The following TARBP1 variants were observed in gnomAD, a reference collection of about 807,000 sequenced individuals.
TARBP1 encodes tRNA guanosine 2 -O-methyltransferase TARBP1, also known as tRNA (guanosine(18)-2'-O)-methyltransferase TARBP1.
Under a neutral mutation model 178.6 loss-of-function variants are expected in TARBP1, and 144 were observed. That is an observed-to-expected ratio of 0.81 (90% CI 0.70 to 0.93). The LOEUF (loss-of-function observed/expected upper bound fraction) is 0.93, where lower values mean the gene tolerates loss of function less well. Among genes scored for constraint, TARBP1 ranks in the 40% least tolerant of loss-of-function variants. The pLI, the probability that TARBP1 is intolerant of heterozygous loss-of-function variation, is 0.00. For missense variants in TARBP1, 2,067 were observed against 2,011.7 expected (o/e 1.03, Z -0.53); for synonymous variants, 787 against 781.0 (o/e 1.01, Z -0.13).
chr1:234,429,124 A>G lies in TARBP1; in HGVS notation c.3060+12T>C, dbSNP rs894117025. ...ATGAAAAGAAAAGCAAAAAGAAAAG[A>G]AAGTTAGTTACCTCTTTTATTTTGA... On this transcript the variant is annotated intron_variant, in intron 17 of 29. Coordinates refer to ENST00000040877, the MANE Select transcript of TARBP1 (RefSeq NM_005646.4). The G allele has an allele frequency of 5.2e-6, 8 of 1,551,922 alleles. No homozygotes were observed. The highest frequency in any genetic ancestry group is 6.9e-6 in the Non-Finnish European group (8 of 1,157,926).
chr1:234,457,718 C>T lies in TARBP1; in HGVS notation c.1671G>A (p.Met557Ile). The part of the protein sequence containing the change: ...VSLSDVSTFL[M>I]SLRQEESLGR... ...CTAAGGATTCCTCTTGTCTCAGAGA[C>T]ATGAGAAAAGTTGAGACATCAGAAA... Residue 557 changes from methionine (M) to isoleucine (I), a missense_variant, in exon 9 of 30, where the codon ATG becomes ATA. By Grantham distance (10) the Met-to-Ile change is conservative. Coordinates refer to ENST00000040877, the MANE Select transcript of TARBP1 (RefSeq NM_005646.4). 1 of 1,609,170 alleles carries T rather than the reference C, an allele frequency of 6.2e-7. No individual in the cohort carries two copies.
chr1:234,415,787 T>G (rs1662352674), intron 22 of TARBP1, among the ~76,000 whole-genome samples: 2 of 152,232 alleles, frequency 1.3e-5, no homozygotes, highest in South Asian at 4.1e-4. Flanking sequence ...GTGAACTAGC[T>G]CTCTCTGGCC....
chr1:234,462,686 T>TG (rs1488256701), intron 6 of TARBP1, among the ~76,000 whole-genome samples: 6 of 20,626 alleles, frequency 2.9e-4, no homozygotes, highest in Non-Finnish European at 3.8e-4. Flanking sequence ...AGACTTCATC[T>TG]CAAAAAAAAA....
At position 234,457,714 on chromosome 1, in the gene TARBP1, G is replaced by C. The variant is rs1667426235; in HGVS notation, c.1675C>G (p.Leu559Val). 2 of 1,610,060 alleles carry C rather than the reference G, an allele frequency of 1.2e-6. No individual in the cohort carries two copies. Among genetic ancestry groups the C allele is most frequent in the Admixed American group, 1.7e-5 (1 of 59,858 alleles). Residue 559 changes from leucine (L) to valine (V), a missense_variant, in exon 9 of 30, where the codon CTG becomes GTG. Physicochemically the swap from Leu to Val is conservative, Grantham distance 32. Transcript: ENST00000040877. ...CGTCCTAAGGATTCCTCTTGTCTCAGAGACATGAGAAAAGTTGAGACATCA... is the reference window on the plus strand; with the variant it reads ...CGTCCTAAGGATTCCTCTTGTCTCACAGACATGAGAAAAGTTGAGACATCA... The part of the protein sequence containing the change: ...LSDVSTFLMS[L>V]RQEESLGRGT...
chr1:234,467,763 C>CA (rs142071758), intron 3 of TARBP1, 113 bp from the exon 4 acceptor site: 65,996 of 1,121,718 alleles, frequency 0.059, 4,456 homozygotes, highest in East Asian at 0.34. Context: ...TATAACACTA[C>CA]AAGAAGTTTT....
intron 8 of TARBP1, among the ~76,000 whole-genome samples, chr1:234,458,526 C>T (rs747139446): frequency 2.0e-5 from 3 of 152,120 alleles, no homozygotes; most frequent in Non-Finnish European, 4.4e-5. Flanking sequence ...TGGAATATAG[C>T]CAACGCCTGT....
chr1:234,436,296 A>G (rs1665028658), intron 13 of TARBP1, among the ~76,000 whole-genome samples: 1 of 152,210 alleles, frequency 6.6e-6, no homozygotes, highest in Admixed American at 6.5e-5. Flanking sequence ...GTGGTATTGG[A>G]GCAAAACTTA....
chr1:234,398,321 A>T, intron 26 of TARBP1, 61 bp downstream of exon 26: 1 of 1,437,204 alleles, frequency 7.0e-7, no homozygotes, highest in Non-Finnish European at 9.3e-7. Flanking sequence ...TTAGTAACTT[A>T]AATCAAAAAA....
Position 234,418,109 on chromosome 1 carries a change from G to T in TARBP1, c.3680C>A (p.Pro1227Gln). The T allele has an allele frequency of 7.0e-7, 1 of 1,427,076 alleles. No homozygotes were observed. The highest frequency in any genetic ancestry group is 9.3e-7 in the Non-Finnish European group (1 of 1,069,524). 88.4% of individuals were successfully genotyped at this position (1,427,076 alleles called of 1,614,324 possible). ...ATAAGAAAAACAATCCCAGAACTTT[G>T]GAAGAAATTGAGGGAATTTATGAAG... Reference protein sequence around the residue: ...LILHKFPQFLPKFWDCFSYGE... With the variant: ...LILHKFPQFLQKFWDCFSYGE... Residue 1227 changes from proline to glutamine, a missense_variant, in exon 22 of 30, where the codon CCA becomes CAA. By Grantham distance (76) the Pro-to-Gln change is moderately conservative. Coordinates refer to ENST00000040877, the MANE Select transcript of TARBP1 (RefSeq NM_005646.4).
chr1:234,429,970 C>G, intron 15 of TARBP1, 117 bp downstream of exon 15: 1 of 1,061,626 alleles, frequency 9.4e-7, no homozygotes, highest in Non-Finnish European at 1.4e-6. Context: ...ACCACACTTT[C>G]ATCCTGAATG....
At chr1:234,408,098 T>C (rs999306422) in intron 23 of TARBP1, 1 of 152,184 alleles carries the variant, frequency 6.6e-6, no homozygotes. Context: ...CTTTCATACA[T>C]ATCAGTGTAA....
chr1:234,457,194 A>G (rs1667365392), intron 9 of TARBP1, among the ~76,000 whole-genome samples: 1 of 152,214 alleles, frequency 6.6e-6, no homozygotes, highest in Non-Finnish European at 1.5e-5. Context: ...AGCGGCATGG[A>G]GAAGAGGAAA....
chr1:234,398,190 G>T (rs1407258079), intron 26 of TARBP1, 192 bp downstream of exon 26: 6 of 365,514 alleles, frequency 1.6e-5, no homozygotes, highest in Non-Finnish European at 4.7e-6. Flanking sequence ...TAGCTTTAAA[G>T]CTAAGTTTCA....
Position 234,393,433 on chromosome 1 carries a change from G to A in TARBP1, c.4489C>T (p.Leu1497Phe), listed in dbSNP as rs1051945536. Residue 1497 changes from leucine (L) to phenylalanine (F), a missense_variant, in exon 28 of 30, where the codon CTT becomes TTT. Physicochemically the swap from Leu to Phe is conservative, Grantham distance 22. Coordinates refer to ENST00000040877, the MANE Select transcript of TARBP1 (RefSeq NM_005646.4). ...AACTGTTTGTCGCTGATACACTGAA[G>A]GCTGCCAACAACGAGCACTGAAGCC... The part of the protein sequence containing the change: ...FGASVLVVGS[L>F]QCISDKQFQH... 5.0e-6 allele frequency: 8 copies of A among 1,610,702 alleles called. No homozygotes were observed. The highest frequency in any genetic ancestry group is 5.9e-6 in the Non-Finnish European group (7 of 1,178,034).
Position 234,448,728 on chromosome 1 carries a change from G to A in TARBP1, c.1862-149C>T, listed in dbSNP as rs183060643. 7.1e-4 allele frequency: 457 copies of A among 645,398 alleles called. 4 individuals carry two copies. In the African/African-American group the frequency reaches 7.6e-3, roughly 11 times the overall value. 40.0% of individuals were successfully genotyped at this position (645,398 alleles called of 1,614,324 possible). On this transcript the variant is annotated intron_variant, in intron 10 of 29. Transcript: ENST00000040877. ...ATGAACTACAGCAGAACACCCTAGA[G>A]CATGGCTCATTATTATACATATCTA... is the stretch of plus-strand genomic sequence containing the variant.
chr1:234,460,061 A>C (rs1173481295), intron 7 of TARBP1, among the ~76,000 whole-genome samples, 200 bp downstream of exon 7: 1 of 152,216 alleles, frequency 6.6e-6, no homozygotes, highest in Non-Finnish European at 1.5e-5. Context: ...TTAAACTAGT[A>C]ATTTGTAAAA....
chr1:234,460,900 C>T (rs191586729), intron 6 of TARBP1, among the ~76,000 whole-genome samples: 260 of 152,260 alleles, frequency 1.7e-3, no homozygotes, highest in African/African-American at 5.8e-3. Flanking sequence ...AAGGATAAAC[C>T]TTGAAAATAC....
chr1:234,436,725 T>C (rs891532904), intron 13 of TARBP1, among the ~76,000 whole-genome samples: 1 of 152,148 alleles, frequency 6.6e-6, no homozygotes, highest in Non-Finnish European at 1.5e-5. Context: ...AAACAAAAAA[T>C]TAAGACATTC....
intron 20 of TARBP1, among the ~76,000 whole-genome samples, chr1:234,424,466 C>T (rs1037130958): frequency 6.6e-6 from 1 of 152,208 alleles, no homozygotes; most frequent in South Asian, 2.1e-4. Context: ...ACATCACACA[C>T]CCAGATCTAG....
Sources: gnomAD v4.1 joint callset for allele counts (sites outside exome capture counted in the v4.1 genomes callset) on GRCh38, gnomAD v4.1.1 for gene constraint, MANE v1.5 for transcripts, NCBI Gene and HGNC (gene_info 2026-07-23, HGNC 2026-07-21) for gene names.